The following CMIP variants were observed in gnomAD, a reference collection of about 807,000 sequenced individuals.
CMIP encodes the protein C-Maf-inducing protein.
A neutral mutation model predicts 97.3 loss-of-function variants in CMIP; 13 were observed. The ratio of observed to expected loss-of-function variants is 0.13; its 90% confidence interval spans 0.09 to 0.21. The LOEUF is 0.21. Among genes scored for constraint, CMIP ranks in the 10% least tolerant of loss-of-function variants. The probability of loss-of-function intolerance (pLI) is 1.00; values close to 1 mark genes in which losing one functional copy is unlikely to be tolerated. For synonymous variants in CMIP, 538 were observed against 436.3 expected, an observed-to-expected ratio of 1.23 and a Z score of -2.91; for missense variants, 847 against 1,024.9, an observed-to-expected ratio of 0.83 and a Z score of 2.37.
chr16:81,652,049 G>A lies in CMIP; in HGVS notation c.478-154G>A, dbSNP rs903482343. Among the ~76,000 whole-genome samples the A allele has an allele frequency of 1.3e-5, 2 of 152,240 alleles. No individual in the cohort carries two copies. Among genetic ancestry groups the A allele is most frequent in the Middle Eastern group, 6.8e-3 (2 of 294 alleles). ...CTTTGGATGAGACCCTTCCTCTCTCGGGGTGTCAGTTTCCTTATAAACGGG... is the reference window on the plus strand; with the variant it reads ...CTTTGGATGAGACCCTTCCTCTCTCAGGGTGTCAGTTTCCTTATAAACGGG... On this transcript the variant is annotated intron_variant, in intron 3 of 20. Coordinates refer to ENST00000537098, the MANE Select transcript of CMIP (RefSeq NM_198390.3). This position sits in a 1 kb window ranked among gnomAD's most constrained non-coding sequence, Gnocchi z 5.2.
chr16:81,528,045 A>C (rs1490996622), intron 1 of CMIP, among the ~76,000 whole-genome samples: 2 of 152,220 alleles, frequency 1.3e-5, no homozygotes, highest in Non-Finnish European at 2.9e-5. Flanking sequence ...TCCCAGGAGC[A>C]GTATGGGTGA....
intron 11 of CMIP, among the ~76,000 whole-genome samples, chr16:81,692,670 G>A (rs1906229940): frequency 2.0e-5 from 3 of 152,216 alleles, no homozygotes; most frequent in Admixed American, 2.0e-4. Context: ...CCTCCTAAGA[G>A]GCGCTCAGTC....
At chr16:81,679,112 G>C (rs183153703) in intron 10 of CMIP, among the ~76,000 whole-genome samples, 2 of 152,348 alleles carry the variant, frequency 1.3e-5, no homozygotes, top group East Asian at 3.9e-4. Flanking sequence ...TTGGGTGTGT[G>C]GGATCCTTAG....
Position 81,703,932 on chromosome 16 carries a change from C to A in CMIP, c.1945-7C>A, listed in dbSNP as rs963635798. The A allele has an allele frequency of 1.2e-5, 19 of 1,591,118 alleles. No homozygotes were observed. The highest frequency in any genetic ancestry group is 1.6e-5 in the Non-Finnish European group (19 of 1,171,708). On this transcript the variant is annotated splice_polypyrimidine_tract_variant and splice_region_variant and intron_variant, in intron 17 of 20. Transcript: ENST00000537098. Reference sequence around the variant, plus strand: ...CACCCTCAGGCCTCTCCCCCGTCTGCCCGCAGGACGCTGACTTGGCTCGTT... The same window carrying A: ...CACCCTCAGGCCTCTCCCCCGTCTGACCGCAGGACGCTGACTTGGCTCGTT...
At chr16:81,492,266 C>A (rs1045167645) in intron 1 of CMIP, among the ~76,000 whole-genome samples, 1 of 152,312 alleles carries the variant, frequency 6.6e-6, no homozygotes, top group South Asian at 2.1e-4. Context: ...ACTGCCATGT[C>A]CTCTCCGGGT....
intron 1 of CMIP, among the ~76,000 whole-genome samples, chr16:81,590,629 A>G (rs1326743991): frequency 6.6e-6 from 1 of 152,140 alleles, no homozygotes; most frequent in African/African-American, 2.4e-5. Context: ...CTTCCATAGA[A>G]CTTAGGGATT....
intron 1 of CMIP, among the ~76,000 whole-genome samples, chr16:81,558,808 G>A (rs1567578664): frequency 6.6e-6 from 1 of 152,212 alleles, no homozygotes; most frequent in Non-Finnish European, 1.5e-5. Flanking sequence ...CATAAAATGT[G>A]TTGAGAGTGG....
chr16:81,628,871 C>T (rs1014637102), intron 3 of CMIP, among the ~76,000 whole-genome samples: 3 of 152,112 alleles, frequency 2.0e-5, no homozygotes, highest in East Asian at 1.9e-4. Context: ...CGTGATGGCT[C>T]ATACCTGTAA....
intron 1 of CMIP, among the ~76,000 whole-genome samples, chr16:81,596,875 G>A (rs2091566185): frequency 6.6e-6 from 1 of 152,216 alleles, no homozygotes; most frequent in African/African-American, 2.4e-5. Context: ...TCTTTCTGAA[G>A]TTTGTATGGG....
intron 1 of CMIP, among the ~76,000 whole-genome samples, chr16:81,546,333 C>T (rs946014679): frequency 6.6e-6 from 1 of 152,180 alleles, no homozygotes; most frequent in African/African-American, 2.4e-5. Flanking sequence ...GAAGCTCCCT[C>T]TCAATGCCAG....
intron 1 of CMIP, among the ~76,000 whole-genome samples, chr16:81,480,492 A>G (rs1355821890): frequency 1.3e-5 from 2 of 152,190 alleles, no homozygotes; most frequent in Non-Finnish European, 2.9e-5. Context: ...GTGAGCCAAG[A>G]TCGTGCCACT....
intron 10 of CMIP, 89 bp from the exon 11 acceptor site, chr16:81,691,686 C>T (rs1906096431): frequency 3.0e-6 from 3 of 1,006,438 alleles, no homozygotes; most frequent in South Asian, 1.3e-5. Flanking sequence ...AGGCTCTCAC[C>T]CCATCTTTTG....
At chr16:81,597,614 G>T (rs2091581976) in intron 1 of CMIP, among the ~76,000 whole-genome samples, 1 of 150,168 alleles carries the variant, frequency 6.7e-6, no homozygotes, top group African/African-American at 2.5e-5. Context: ...GAGTCTCCCA[G>T]CCTGGAAGGT....
intron 1 of CMIP, among the ~76,000 whole-genome samples, chr16:81,589,961 T>A (rs188743897): frequency 2.4e-3 from 359 of 152,226 alleles, no homozygotes; most frequent in African/African-American, 8.4e-3. Context: ...ACATTCTGAG[T>A]CCTGTGGGGG....
intron 1 of CMIP, among the ~76,000 whole-genome samples, chr16:81,585,067 C>T (rs559183602): frequency 1.3e-5 from 2 of 152,334 alleles, no homozygotes; most frequent in Non-Finnish European, 2.9e-5. Flanking sequence ...TTCGGCCAGG[C>T]ATGGTGGCTC....
At chr16:81,644,704 T>C (rs2092343972) in intron 3 of CMIP, among the ~76,000 whole-genome samples, 1 of 152,180 alleles carries the variant, frequency 6.6e-6, no homozygotes, top group South Asian at 2.1e-4. Context: ...TAGTGAGTCT[T>C]GAATCAGGGA....
chr16:81,693,359 G>C lies in CMIP; in HGVS notation c.1482-80G>C, dbSNP rs756218662. ...CCAGCTCCCTGGCCCGTTCTTCCTT[G>C]ACACCATCCCCTCCCCTTCCCACAC... On this transcript the variant is annotated intron_variant, in intron 12 of 20. Coordinates refer to ENST00000537098, the MANE Select transcript of CMIP (RefSeq NM_198390.3). 45 of 1,556,742 alleles carry C rather than the reference G, an allele frequency of 2.9e-5. No homozygotes were observed. In the African/African-American group the frequency reaches 5.0e-4, roughly 17 times the overall value.
chr16:81,560,288 G>T (rs528361072), intron 1 of CMIP, among the ~76,000 whole-genome samples: 5 of 150,584 alleles, frequency 3.3e-5, no homozygotes, highest in Admixed American at 6.6e-5. Flanking sequence ...GCGCAATCTC[G>T]GCTCGCTGCA....
rs2091888373 is a variant in CMIP at position 81,614,884 on chromosome 16, C to T, written c.427-5992C>T. 6.8e-6 allele frequency among the ~76,000 whole-genome samples: 1 copy of T among 146,014 alleles called. No homozygotes were observed. Among genetic ancestry groups the T allele is most frequent in the Non-Finnish European group, 1.5e-5 (1 of 66,314 alleles). On this transcript the variant is annotated intron_variant, in intron 2 of 20. Transcript: ENST00000537098. The surrounding 1 kb of genome is among the most constrained non-coding windows in gnomAD (Gnocchi z 5.3). ...TGTGTGCATGTGTGTGTGGTATGTG[C>T]ATGTGTGTGTGTCCTGTGTCTATAT... is the stretch of plus-strand genomic sequence containing the variant.
Sources: gnomAD v4.1 joint callset for allele counts (sites outside exome capture counted in the v4.1 genomes callset) on GRCh38, gnomAD v4.1.1 for gene constraint, Gnocchi (gnomAD v3.1) non-coding constraint, MANE v1.5 for transcripts, NCBI Gene and HGNC (gene_info 2026-07-23, HGNC 2026-07-21) for gene names.